HECW1: variants seen among roughly 807,000 people sequenced by gnomAD.
The protein encoded by HECW1 is E3 ubiquitin-protein ligase HECW1.
A neutral mutation model predicts 182.3 loss-of-function variants in HECW1; 61 were observed. The ratio of observed to expected loss-of-function variants is 0.33; its 90% CI spans 0.27 to 0.41. The LOEUF (loss-of-function observed/expected upper bound fraction) is 0.41. Ranked by LOEUF, HECW1 falls within the 10% of genes least tolerant of loss-of-function variation. The probability of loss-of-function intolerance (pLI) is 1.00; values close to 1 mark genes in which losing one functional copy is unlikely to be tolerated. For synonymous variants in HECW1, 859 were observed against 832.6 expected, an observed-to-expected ratio of 1.03 and a Z score of -0.55; for missense variants, 1,739 against 2,108.9, an observed-to-expected ratio of 0.82 and a Z score of 3.44.
intron 2 of HECW1, among the ~76,000 whole-genome samples, chr7:43,122,712 A>C (rs1196476068): frequency 2.0e-5 from 3 of 152,214 alleles, no homozygotes; most frequent in Non-Finnish European, 4.4e-5. Context: ...AAAGGAAAAA[A>C]ATATCACTAT....
chr7:43,213,302 TAA>T (rs1374787937), intron 2 of HECW1, among the ~76,000 whole-genome samples: 1 of 152,214 alleles, frequency 6.6e-6, no homozygotes, highest in Non-Finnish European at 1.5e-5. Flanking sequence ...GATTTCATGA[TAA>T]GAGACTTTAT....
rs1159008662 is a variant in HECW1, at chr7:43,445,007, C to T, written c.1835C>T (p.Ala612Val). ...EVDTVAADPS[A>V]LEEDREEPEG... ...GACACGGTGGCCGCTGACCCGTCTGCCCTGGAAGAGGACAGAGAAGAGCCC... is the reference window on the plus strand; with the variant it reads ...GACACGGTGGCCGCTGACCCGTCTGTCCTGGAAGAGGACAGAGAAGAGCCC... The change falls in exon 11 of 30, where the codon GCC (alanine) becomes GTC (valine). Residue 612 changes from alanine (A) to valine (V), a missense_variant. Transcript: ENST00000395891. The T allele has an allele frequency of 1.3e-6, 2 of 1,557,466 alleles. No homozygotes were observed. The highest frequency in any genetic ancestry group is 1.8e-5 in the Admixed American group (1 of 54,538).
rs1366141106 is a variant in HECW1, at chr7:43,321,158, A to G, written c.460+416A>G. On this transcript the variant is annotated intron_variant, in intron 5 of 29. Coordinates refer to ENST00000395891, the MANE Select transcript of HECW1 (RefSeq NM_015052.5). ...CCAAATCCTTCAAGGCTTCCTGCCC[A>G]TGGTCCCAGTCTGTCAGTGATTTTC... is the stretch of plus-strand genomic sequence containing the variant. Among the ~76,000 whole-genome samples the G allele has an allele frequency of 2.6e-5, 4 of 152,106 alleles. No individual in the cohort carries two copies. The South Asian group carries it at 6.2e-4, about 24-fold the overall frequency.
intron 2 of HECW1, among the ~76,000 whole-genome samples, chr7:43,145,128 T>C (rs1229720067): frequency 2.0e-5 from 3 of 152,198 alleles, no homozygotes; most frequent in Non-Finnish European, 4.4e-5. Context: ...ACAGAAATCA[T>C]TTTATACTTT....
intron 6 of HECW1, among the ~76,000 whole-genome samples, chr7:43,385,268 CCTCCCCTCCCCTCTCCCCTCCCCTCCCCT>C (rs2074741501): frequency 1.8e-4 from 1 of 5,432 alleles, no homozygotes. Flanking sequence ...TCCCCTCTCC[CCTCCCCTCCCCTCTCCCCTCCCCTCCCCT>C]CTCCCCTCCC....
chr7:43,547,490 C>G (rs955907191), intron 26 of HECW1, among the ~76,000 whole-genome samples: 3 of 151,682 alleles, frequency 2.0e-5, no homozygotes, highest in East Asian at 3.9e-4. Context: ...GAGATTGCAG[C>G]AAGCCAGGAT....
intron 2 of HECW1, among the ~76,000 whole-genome samples, chr7:43,219,076 GA>G (rs926147172): frequency 3.3e-5 from 5 of 151,966 alleles, no homozygotes; most frequent in African/African-American, 1.2e-4. Context: ...TGTAGCCTGC[GA>G]AAAAAACTAG....
At chr7:43,233,752 C>T (rs1285830873) in intron 2 of HECW1, among the ~76,000 whole-genome samples, 1 of 152,224 alleles carries the variant, frequency 6.6e-6, no homozygotes, top group Non-Finnish European at 1.5e-5. Flanking sequence ...TAGCTCCAGG[C>T]CTGCACCAGT....
intron 21 of HECW1, among the ~76,000 whole-genome samples, chr7:43,505,067 C>A (rs1057143967): frequency 6.6e-6 from 1 of 152,194 alleles, no homozygotes; most frequent in South Asian, 2.1e-4. Context: ...CTTCCCTGGC[C>A]ATTCCCGCAG....
intron 2 of HECW1, among the ~76,000 whole-genome samples, chr7:43,154,373 A>G (rs779790068): frequency 6.6e-6 from 1 of 152,182 alleles, no homozygotes; most frequent in Non-Finnish European, 1.5e-5. Context: ...CAGAAGACCA[A>G]TTTCATTCAC....
intron 3 of HECW1, among the ~76,000 whole-genome samples, chr7:43,250,148 T>C (rs964087296): frequency 6.6e-6 from 1 of 151,178 alleles, no homozygotes; most frequent in East Asian, 1.9e-4. Flanking sequence ...CACACACACA[T>C]ACACACACAC....
chr7:43,272,764 T>G (rs1211245137), intron 3 of HECW1, among the ~76,000 whole-genome samples: 3 of 152,174 alleles, frequency 2.0e-5, no homozygotes, highest in Non-Finnish European at 4.4e-5. Context: ...AGTTTGGAGA[T>G]TTCCAAAAGA....
intron 2 of HECW1, among the ~76,000 whole-genome samples, chr7:43,153,491 G>A (rs891920741): frequency 1.3e-5 from 2 of 152,172 alleles, no homozygotes; most frequent in African/African-American, 4.8e-5. Context: ...CTCATGTCTA[G>A]TTTTCCCATC....
At chr7:43,491,884 T>G (rs1172286026) in intron 17 of HECW1, among the ~76,000 whole-genome samples, 191 bp from the exon 18 acceptor site, 2 of 152,248 alleles carry the variant, frequency 1.3e-5, no homozygotes, top group African/African-American at 4.8e-5. Context: ...CCAGATGGCT[T>G]TCTTAACCAT....
At chr7:43,494,988 C>T (rs991153089) in intron 19 of HECW1, among the ~76,000 whole-genome samples, 4 of 152,126 alleles carry the variant, frequency 2.6e-5, no homozygotes, top group African/African-American at 4.8e-5. Context: ...CATCTCATCC[C>T]GTTTTAAAGG....
chr7:43,356,634 G>A (rs7788904), intron 5 of HECW1, among the ~76,000 whole-genome samples: 68,243 of 151,920 alleles, frequency 0.45, 15,468 homozygotes, highest in Non-Finnish European at 0.48. Flanking sequence ...AATAGACCAT[G>A]TATTAAGCCA....
At chr7:43,434,260 A>G (rs957611465) in intron 8 of HECW1, among the ~76,000 whole-genome samples, 1 of 152,372 alleles carries the variant, frequency 6.6e-6, no homozygotes, top group East Asian at 1.9e-4. Flanking sequence ...TAAACTTAAG[A>G]AAGTTCAATA....
intron 8 of HECW1, among the ~76,000 whole-genome samples, chr7:43,411,398 G>C (rs1337590447): frequency 1.3e-5 from 2 of 152,052 alleles, no homozygotes; most frequent in African/African-American, 4.8e-5. Context: ...TTACAGTCCA[G>C]CATATGATGC....
Position 43,360,953 on chromosome 7 carries a change from T to C in HECW1, c.528T>C (p.Ser176=). Reference sequence around the variant, plus strand: ...GGGCCCTGCGAGCAACCACCCCCAGTGTCACGGTCAAAAACTCGGCAGCTC... The same window carrying C: ...GGGCCCTGCGAGCAACCACCCCCAGCGTCACGGTCAAAAACTCGGCAGCTC... The part of the protein sequence containing the change: ...VSGALRATTP[S]VTVKNSAAPI... The change falls in exon 6 of 30, where the codon AGT becomes AGC. Residue 176 remains serine, a synonymous_variant. Coordinates refer to ENST00000395891, the MANE Select transcript of HECW1 (RefSeq NM_015052.5). 1 of 1,612,944 alleles carries C rather than the reference T, an allele frequency of 6.2e-7. No homozygotes were observed. Among genetic ancestry groups the C allele is most frequent in the Non-Finnish European group, 8.5e-7 (1 of 1,179,490 alleles).
Sources: allele counts gnomAD v4.1 joint callset (sites outside exome capture counted in the v4.1 genomes callset), GRCh38; gene constraint gnomAD v4.1.1; transcripts MANE v1.5; gene names NCBI Gene and HGNC (gene_info 2026-07-23, HGNC 2026-07-21).